P2RY14: variants seen among roughly 807,000 people sequenced by gnomAD.
P2RY14 encodes the protein purinergic receptor P2Y14.
A neutral mutation model predicts 0.9 loss-of-function variants in P2RY14; 2 were observed. That is an observed-to-expected ratio of 2.16 (90% confidence interval 0.88 to 6.79). P2RY14 has a LOEUF of 6.79. Ranked by LOEUF, P2RY14 falls within the 30% of genes most tolerant of loss-of-function variation. The pLI is 0.05. For synonymous variants in P2RY14, 158 were observed against 147.2 expected (o/e 1.07, Z -0.53); for missense variants, 378 against 400.1 (o/e 0.94, Z 0.47).
intron 1 of P2RY14, among the ~76,000 whole-genome samples, chr3:151,224,973 C>G (rs1266066444): frequency 6.6e-6 from 1 of 152,166 alleles, no homozygotes; most frequent in Non-Finnish European, 1.5e-5. Flanking sequence ...AAATAACTTA[C>G]AGCGTTTTAC....
At chr3:151,219,876 T>C (rs2149260097) in intron 1 of P2RY14, among the ~76,000 whole-genome samples, 1 of 133,586 alleles carries the variant, frequency 7.5e-6, no homozygotes, top group East Asian at 2.2e-4. Context: ...GTGGTTTTGG[T>C]TATTGGTTTA....
chr3:151,242,129 A>G (rs532716663), intron 1 of P2RY14, among the ~76,000 whole-genome samples: 1 of 152,288 alleles, frequency 6.6e-6, no homozygotes, highest in Non-Finnish European at 1.5e-5. Flanking sequence ...TCCTACGCCC[A>G]TGGAGTCTCG....
chr3:151,243,419 C>T (rs1345873751), intron 1 of P2RY14, among the ~76,000 whole-genome samples: 83 of 144,404 alleles, frequency 5.7e-4, no homozygotes, highest in East Asian at 1.0e-3. Context: ...GCGGATCTCT[C>T]GGCAGAAACC....
Position 151,213,679 on chromosome 3 carries a change from A to G in P2RY14, c.638T>C (p.Ile213Thr). The G allele has an allele frequency of 6.2e-7, 1 of 1,614,152 alleles. No homozygotes were observed. Among genetic ancestry groups the G allele is most frequent in the Non-Finnish European group, 8.5e-7 (1 of 1,180,024 alleles). ...ACTTGACTTAAGGTGGGACTTAAAG[A>G]TTTTCTTTGTGATAGCAGTATAGAA... is the stretch of plus-strand genomic sequence containing the variant. ...IVFYTAITKKIFKSHLKSSRN... is the reference protein window; with the variant it reads ...IVFYTAITKKTFKSHLKSSRN... Residue 213 changes from isoleucine to threonine, a missense_variant, in exon 3 of 3, where the codon ATC (isoleucine) becomes ACC (threonine). Ile to Thr is a moderately conservative substitution (Grantham distance 89). Coordinates refer to ENST00000309170, the MANE Select transcript of P2RY14 (RefSeq NM_014879.4).
intron 1 of P2RY14, among the ~76,000 whole-genome samples, chr3:151,260,565 G>A (rs1002064331): frequency 2.6e-5 from 4 of 151,966 alleles, no homozygotes; most frequent in African/African-American, 7.3e-5. Flanking sequence ...TGCCGTGGTC[G>A]GTCTCGAACT....
At chr3:151,225,032 GTCA>G (rs1730213908) in intron 1 of P2RY14, among the ~76,000 whole-genome samples, 1 of 152,050 alleles carries the variant, frequency 6.6e-6, no homozygotes, top group Non-Finnish European at 1.5e-5. Flanking sequence ...AATTCTCTCT[GTCA>G]TCAGCCTCCT....
At chr3:151,248,785 C>T (rs1023619703) in intron 1 of P2RY14, 1 of 152,080 alleles carries the variant, frequency 6.6e-6, no homozygotes, top group African/African-American at 2.4e-5. Flanking sequence ...AGGATGTCAG[C>T]ACCACACAAA....
intron 1 of P2RY14, among the ~76,000 whole-genome samples, chr3:151,249,997 C>CAT (rs970333270): frequency 1.7e-4 from 26 of 152,142 alleles, no homozygotes; most frequent in African/African-American, 6.0e-4. Flanking sequence ...TTATCATTAT[C>CAT]AAATAAAATA....
At position 151,213,664 on chromosome 3, in the gene P2RY14, A is replaced by G; in HGVS notation, c.653T>C (p.Leu218Pro). The part of the protein sequence containing the change: ...AITKKIFKSH[L>P]KSSRNSTSVK... Reference sequence around the variant, plus strand: ...CGAAGTGGAATTCCGACTTGACTTAAGGTGGGACTTAAAGATTTTCTTTGT... The same window carrying G: ...CGAAGTGGAATTCCGACTTGACTTAGGGTGGGACTTAAAGATTTTCTTTGT... Residue 218 changes from leucine (L) to proline (P), a missense_variant, in exon 3 of 3, where the codon CTT becomes CCT. By Grantham distance (98) the Leu-to-Pro change is moderately conservative (BLOSUM62 -3). Coordinates refer to ENST00000309170, the MANE Select transcript of P2RY14 (RefSeq NM_014879.4). 1 of 1,614,214 alleles carries G rather than the reference A, an allele frequency of 6.2e-7. No homozygotes were observed. The highest frequency in any genetic ancestry group is 8.5e-7 in the Non-Finnish European group (1 of 1,180,028).
intron 1 of P2RY14, among the ~76,000 whole-genome samples, chr3:151,237,737 G>A (rs958955256): frequency 2.0e-5 from 3 of 152,062 alleles, no homozygotes; most frequent in African/African-American, 4.8e-5. Flanking sequence ...CCTCTCTGAC[G>A]TTTTATCTTT....
Position 151,219,408 on chromosome 3 carries a change from TAG to T in P2RY14, c.-25+125_-25+126del, listed in dbSNP as rs796930770. 9 of 152,320 alleles carry T rather than the reference TAG, an allele frequency of 5.9e-5. No individual in the cohort carries two copies. The South Asian group carries it at 1.0e-3, about 18-fold the overall frequency. The allele number at this position is 152,320 out of a possible 1,614,324, so 9.4% of individuals were successfully genotyped here. The stretch of plus-strand genomic sequence containing the variant: ...ACCATGACCTATTTTCCTCTTGTAT[TAG>T]AACACCTTCCACCTTCCTAATTGTG... On this transcript the variant is annotated intron_variant, in intron 2 of 2. Coordinates refer to ENST00000309170, the MANE Select transcript of P2RY14 (RefSeq NM_014879.4).
chr3:151,256,567 A>G (rs1737847409), intron 1 of P2RY14, among the ~76,000 whole-genome samples: 1 of 152,080 alleles, frequency 6.6e-6, no homozygotes, highest in South Asian at 2.1e-4. Context: ...TTCCTAATGT[A>G]GGCAAAACAT....
chr3:151,266,900 A>G (rs1739938865), intron 1 of P2RY14, among the ~76,000 whole-genome samples: 1 of 152,230 alleles, frequency 6.6e-6, no homozygotes, highest in South Asian at 2.1e-4. Flanking sequence ...TGTAACTTTT[A>G]TAAACCCCCA....
intron 1 of P2RY14, among the ~76,000 whole-genome samples, chr3:151,236,748 CATAAAT>C (rs1732902345): frequency 6.6e-6 from 1 of 152,152 alleles, no homozygotes; most frequent in African/African-American, 2.4e-5. Flanking sequence ...ATTTTACTGA[CATAAAT>C]ATATAAAATT....
chr3:151,251,591 T>C (rs1451797325), intron 1 of P2RY14, among the ~76,000 whole-genome samples: 1 of 152,194 alleles, frequency 6.6e-6, no homozygotes, highest in Non-Finnish European at 1.5e-5. Context: ...TGGTGTTTAA[T>C]TCAGTAGAGT....
intron 1 of P2RY14, chr3:151,270,078 A>T (rs932739337): frequency 3.6e-5 from 8 of 222,972 alleles, no homozygotes; most frequent in Non-Finnish European, 6.2e-5. Flanking sequence ...AAGATGAAGA[A>T]GATGAAGATG....
chr3:151,278,318 G>A lies in P2RY14; in HGVS notation c.-164C>T, dbSNP rs1002767985. The A allele has an allele frequency of 6.6e-6, 1 of 152,166 alleles. No individual in the cohort carries two copies. The highest frequency in any genetic ancestry group is 1.5e-5 in the Non-Finnish European group (1 of 68,026). 9.4% of individuals were successfully genotyped at this position (152,166 alleles called of 1,614,324 possible). ...CTAGGCCTTCATCTGTGAGAGTCATGCTTCACTCATTTTGAAATACCTCTC... is the reference window on the plus strand; with the variant it reads ...CTAGGCCTTCATCTGTGAGAGTCATACTTCACTCATTTTGAAATACCTCTC... On this transcript the variant is annotated 5_prime_UTR_variant, in exon 1 of 3. Transcript: ENST00000309170.
intron 1 of P2RY14, chr3:151,241,691 A>C (rs574921879): frequency 6.6e-6 from 1 of 152,176 alleles, no homozygotes; most frequent in East Asian, 1.9e-4. Context: ...ACACACATAC[A>C]TAATTTTTTT....
In P2RY14 at chr3:151,273,580, A is replaced by G. The variant is rs575215606; in HGVS notation, c.-133+4707T>C. Among the ~76,000 whole-genome samples the G allele has an allele frequency of 1.6e-4, 24 of 152,086 alleles. 1 individual carries two copies. Among genetic ancestry groups the G allele is most frequent in the Admixed American group, 9.8e-4 (15 of 15,266 alleles). On this transcript the variant is annotated intron_variant, in intron 1 of 2. Transcript: ENST00000309170. The stretch of plus-strand genomic sequence containing the variant: ...TGCCAATTACTGTTCTGGGTAATTT[A>G]TGTATATAACTCATTTAATCCCCAT...
Sources: allele counts gnomAD v4.1 joint callset (sites outside exome capture counted in the v4.1 genomes callset), GRCh38; gene constraint gnomAD v4.1.1; transcripts MANE v1.5; gene names NCBI Gene and HGNC (gene_info 2026-07-23, HGNC 2026-07-21).